Variants in THSD4 observed in about 807,000 individuals in gnomAD.
The protein encoded by THSD4 is thrombospondin type 1 domain containing 4.
In THSD4, 69 loss-of-function variants were observed where a neutral mutation model predicts 119.0. The ratio of observed to expected loss-of-function variants is 0.58; its 90% CI spans 0.48 to 0.71. THSD4 has a LOEUF of 0.71. Ranked by LOEUF, THSD4 falls within the 30% of genes least tolerant of loss-of-function variation. THSD4 has a pLI of 0.00. For synonymous variants in THSD4, 524 were observed against 540.4 expected (o/e 0.97, Z 0.42); for missense variants, 1,393 against 1,391.1 (o/e 1.00, Z -0.02).
intron 6 of THSD4, among the ~76,000 whole-genome samples, chr15:71,372,879 A>C (rs2046075735): frequency 6.6e-6 from 1 of 152,326 alleles, no homozygotes; most frequent in East Asian, 1.9e-4. Flanking sequence ...GCAGAGGTGG[A>C]GTCTACAGAG....
At chr15:71,270,359 C>T (rs2044514163) in intron 6 of THSD4, among the ~76,000 whole-genome samples, 1 of 152,130 alleles carries the variant, frequency 6.6e-6, no homozygotes, top group African/African-American at 2.4e-5. Context: ...GAAAGGATTC[C>T]CTATTTAATA....
At chr15:71,296,245 G>A (rs1162823965) in intron 6 of THSD4, among the ~76,000 whole-genome samples, 8 of 152,194 alleles carry the variant, frequency 5.3e-5, no homozygotes, top group Admixed American at 5.2e-4. Context: ...GTTTCCCAAA[G>A]TGTCTGTACC....
chr15:71,360,653 T>G (rs536513956), intron 6 of THSD4, among the ~76,000 whole-genome samples: 105 of 152,318 alleles, frequency 6.9e-4, no homozygotes, highest in South Asian at 5.6e-3. Context: ...AGCATATGAC[T>G]CCTCCTCAGA....
intron 6 of THSD4, among the ~76,000 whole-genome samples, chr15:71,279,496 C>A (rs113606853): frequency 6.6e-6 from 1 of 152,192 alleles, no homozygotes; most frequent in Admixed American, 6.5e-5. Context: ...TCTTAGGATG[C>A]GAAGGAGTAG....
chr15:71,405,595 T>C (rs1408141091), intron 6 of THSD4, among the ~76,000 whole-genome samples: 1 of 152,198 alleles, frequency 6.6e-6, no homozygotes, highest in African/African-American at 2.4e-5. Context: ...TGATTCGTAG[T>C]AAGTTTTAAA....
At chr15:71,195,704 T>C (rs2043713554) in intron 3 of THSD4, among the ~76,000 whole-genome samples, 1 of 152,090 alleles carries the variant, frequency 6.6e-6, no homozygotes, top group Admixed American at 6.5e-5. Flanking sequence ...AAAGTGGTAT[T>C]GTCGGAGGGT....
chr15:71,396,234 G>A (rs1407806460), intron 6 of THSD4, among the ~76,000 whole-genome samples: 1 of 151,062 alleles, frequency 6.6e-6, no homozygotes, highest in African/African-American at 2.4e-5. Flanking sequence ...TATACCATAT[G>A]TACACATGCA....
intron 6 of THSD4, among the ~76,000 whole-genome samples, chr15:71,402,022 T>C (rs1053037068): frequency 4.0e-5 from 6 of 151,250 alleles, no homozygotes; most frequent in African/African-American, 1.5e-4. Context: ...AAACACCGCA[T>C]GTTCTCACTC....
intron 6 of THSD4, among the ~76,000 whole-genome samples, chr15:71,278,430 C>T (rs185176371): frequency 3.4e-4 from 52 of 152,298 alleles, no homozygotes; most frequent in Middle Eastern, 6.8e-3. Flanking sequence ...AGCAATCCAC[C>T]TGCCTCAACC....
chr15:71,199,927 G>C (rs1264245884), intron 3 of THSD4, among the ~76,000 whole-genome samples: 1 of 147,404 alleles, frequency 6.8e-6, no homozygotes, highest in African/African-American at 2.5e-5. Context: ...GTGTGTGTGT[G>C]TGTGTGTGTA....
chr15:71,386,954 A>G (rs1274982892), intron 6 of THSD4, among the ~76,000 whole-genome samples: 1 of 152,212 alleles, frequency 6.6e-6, no homozygotes, highest in Non-Finnish European at 1.5e-5. Context: ...CGTAATCAAC[A>G]TGTATTTGCA....
chr15:71,523,353 C>CT, intron 7 of THSD4, among the ~76,000 whole-genome samples: 1 of 152,288 alleles, frequency 6.6e-6, no homozygotes, highest in East Asian at 1.9e-4. Context: ...ACCACACGGC[C>CT]TTCTTTTCTC....
At chr15:71,710,762 A>G (rs2052494533) in intron 8 of THSD4, among the ~76,000 whole-genome samples, 1 of 152,146 alleles carries the variant, frequency 6.6e-6, no homozygotes, top group Non-Finnish European at 1.5e-5. Context: ...CAGTGCCAAT[A>G]TATTTTTACA....
At position 71,416,690 on chromosome 15, in the gene THSD4, T is replaced by TATTTC. The variant is rs2046762180; in HGVS notation, c.1152+4867_1152+4868insATTTC. ...CTTGCCCATTTTATTTATTTTATTT[T>TATTTC]GTTTCATTTTATTTTATTTTATTTT... is the stretch of plus-strand genomic sequence containing the variant. On this transcript the variant is annotated intron_variant, in intron 7 of 17. Transcript: ENST00000261862. Among the ~76,000 whole-genome samples the TATTTC allele has an allele frequency of 4.9e-5, 5 of 102,226 alleles. 1 individual carries two copies. The highest frequency in any genetic ancestry group is 1.8e-4 in the African/African-American group (5 of 27,854). The allele number at this position is 102,226 out of a possible 152,430, so 67.1% of individuals were successfully genotyped here.
intron 8 of THSD4, among the ~76,000 whole-genome samples, chr15:71,698,864 T>C (rs2052224474): frequency 6.6e-6 from 1 of 151,676 alleles, no homozygotes; most frequent in African/African-American, 2.4e-5. Flanking sequence ...GAATCTAAAA[T>C]AGCCAAACTC....
rs1596220533 is a variant in THSD4 at position 71,141,537 on chromosome 15, C to T, written c.10C>T (p.His4Tyr). 2.5e-6 allele frequency: 4 copies of T among 1,609,944 alleles called. No homozygotes were observed. Among genetic ancestry groups the T allele is most frequent in the East Asian group, 2.2e-5 (1 of 44,860 alleles). ...CTGGACCCCCAGCATCATGGTTTCC[C>T]ATTTCATGGGGTCTCTCAGGTAAGT... MVS[H>Y]FMGSLSVLCF... is the part of the protein sequence containing the mutation. Residue 4 changes from histidine (H) to tyrosine (Y), a missense_variant, in exon 2 of 18, where the codon CAT becomes TAT. Physicochemically the swap from His to Tyr is moderately conservative, Grantham distance 83. Coordinates refer to ENST00000261862, the MANE Select transcript of THSD4 (RefSeq NM_024817.3).
At chr15:71,549,010 G>A (rs768323155) in intron 7 of THSD4, among the ~76,000 whole-genome samples, 1 of 152,212 alleles carries the variant, frequency 6.6e-6, no homozygotes, top group African/African-American at 2.4e-5. Flanking sequence ...GGAAGGCCAC[G>A]CCGGAATCTG....
chr15:71,304,039 A>G (rs1295969590), intron 6 of THSD4, among the ~76,000 whole-genome samples: 4 of 152,192 alleles, frequency 2.6e-5, no homozygotes, highest in Non-Finnish European at 5.9e-5. Context: ...CTAAGAGCTA[A>G]TGGGCAGAAC....
chr15:71,390,684 C>A (rs16955540), intron 6 of THSD4, among the ~76,000 whole-genome samples: 3,366 of 152,082 alleles, frequency 0.022, 119 homozygotes, highest in African/African-American at 0.078. Context: ...AGCAATTTTC[C>A]TTGAATCCTG....
Sources: gnomAD v4.1 joint callset for allele counts (sites outside exome capture counted in the v4.1 genomes callset) on GRCh38, gnomAD v4.1.1 for gene constraint, MANE v1.5 for transcripts, NCBI Gene and HGNC (gene_info 2026-07-23, HGNC 2026-07-21) for gene names.